Variants in STARD8 observed in about 807,000 individuals in gnomAD.
The protein encoded by STARD8 is StAR related lipid transfer domain containing 8.
Under a neutral mutation model 69.4 loss-of-function variants are expected in STARD8, and 25 were observed. That is an observed-to-expected ratio of 0.36 (90% CI 0.26 to 0.50). The LOEUF is 0.50. Ranked by LOEUF, STARD8 falls within the 20% of genes least tolerant of loss-of-function variation. STARD8 has a pLI of 0.96. For missense variants in STARD8, 921 were observed against 932.5 expected (o/e 0.99, Z 0.16); for synonymous variants, 389 against 374.6 (o/e 1.04, Z -0.45).
At chrX:68,668,327 C>T (rs1423642842) in intron 2 of STARD8, among the ~76,000 whole-genome samples, 1 of 96,172 alleles carries the variant, frequency 1.0e-5, no homozygotes, top group South Asian at 5.1e-4. Flanking sequence ...TTCCTTCCTT[C>T]CTTCCTTTTT....
rs1211005095 is a variant in STARD8 at position 68,724,394 on chromosome X, A to G, written c.3284A>G (p.Gln1095Arg). ...ATCCGGGACTCCTTCCCCACCCTGC[A>G]GGCAGCGGGCCCTGAGACAAAGCTG... ...AKIRDSFPTL[Q>R]AAGPETKL Residue 1095 changes from glutamine (Q) to arginine (R), a missense_variant, in exon 15 of 15, where the codon CAG (glutamine) becomes CGG (arginine). Physicochemically the swap from Gln to Arg is conservative, Grantham distance 43. Coordinates refer to ENST00000374599, the MANE Select transcript of STARD8 (RefSeq NM_001142503.3). 4 of 1,204,482 alleles carry G rather than the reference A, an allele frequency of 3.3e-6. No homozygotes were observed. Among genetic ancestry groups the G allele is most frequent in the Non-Finnish European group, 4.5e-6 (4 of 891,776 alleles).
At chrX:68,701,865 G>A (rs1181067607) in intron 2 of STARD8, among the ~76,000 whole-genome samples, 1 of 112,063 alleles carries the variant, frequency 8.9e-6, no homozygotes, top group Non-Finnish European at 1.9e-5. Flanking sequence ...GGGGCTGGCA[G>A]GAGGCTGGCT....
rs756880373 is a variant in STARD8 at position 68,722,054 on chromosome X, A to G, written c.2467A>G (p.Ser823Gly). ...KKDSPSPRIK[S>G]KRSLIGRPGP... is the part of the protein sequence containing the mutation. The stretch of plus-strand genomic sequence containing the variant: ...ACCTCCTGCTCCATCTAGGATCAAG[A>G]GCAAACGCAGCCTCATTGGCAGGCC... The change falls in exon 11 of 15, where the codon AGC becomes GGC. Residue 823 changes from serine (S) to glycine (G), a missense_variant. Transcript: ENST00000374599. 27 of 1,198,364 alleles carry G rather than the reference A, an allele frequency of 2.3e-5. No homozygotes were observed. The highest frequency in any genetic ancestry group is 3.0e-5 in the Non-Finnish European group (27 of 886,314).
chrX:68,670,280 T>C (rs990662801), intron 2 of STARD8, among the ~76,000 whole-genome samples: 4 of 111,659 alleles, frequency 3.6e-5, no homozygotes, highest in South Asian at 3.8e-4. Context: ...GTCTGCAAAA[T>C]GAGAATGTTG....
intron 2 of STARD8, among the ~76,000 whole-genome samples, chrX:68,673,393 C>T (rs1185366383): frequency 4.4e-5 from 5 of 112,369 alleles, no homozygotes; most frequent in African/African-American, 1.6e-4. Flanking sequence ...CCCCAAATAT[C>T]TCCCAGGATA....
At chrX:68,701,644 G>A (rs1341656188) in intron 2 of STARD8, among the ~76,000 whole-genome samples, 5 of 112,207 alleles carry the variant, frequency 4.5e-5, no homozygotes, top group Admixed American at 1.9e-4. Context: ...GGGGTGGGGA[G>A]GGAGTGCAGG....
intron 6 of STARD8, 136 bp from the exon 7 acceptor site, chrX:68,719,089 C>T (rs2080123512): frequency 2.5e-6 from 2 of 794,932 alleles, no homozygotes; most frequent in Non-Finnish European, 3.4e-6. Context: ...GCCTCAGCAG[C>T]AGCACTAGAA....
chrX:68,656,669 T>C (rs1356004101), intron 1 of STARD8: 6 of 112,080 alleles, frequency 5.4e-5, no homozygotes, highest in African/African-American at 2.0e-4. Flanking sequence ...CATGGAATAC[T>C]ATGCAGCCAT....
Position 68,720,753 on chromosome X carries a change from C to T in STARD8, c.2050-171C>T, listed in dbSNP as rs145286060. On this transcript the variant is annotated intron_variant, in intron 8 of 14. Transcript: ENST00000374599. ...CTTTTGTCCTGAAGCTGTAAAAATC[C>T]TTCTCTTTGGTTTTCCCATTTGTCT... Among the ~76,000 whole-genome samples the T allele has an allele frequency of 7.5e-3, 842 of 111,937 alleles. 6 individuals carry two copies. The highest frequency in any genetic ancestry group is 0.025 in the African/African-American group (781 of 30,806).
chrX:68,672,760 C>T (rs939143208), intron 2 of STARD8, among the ~76,000 whole-genome samples: 1 of 111,378 alleles, frequency 9.0e-6, no homozygotes, highest in Admixed American at 9.5e-5. Context: ...TTCAGAGGCC[C>T]CTTCTGACCT....
chrX:68,667,316 A>G (rs1026740379), intron 2 of STARD8, among the ~76,000 whole-genome samples: 2 of 111,767 alleles, frequency 1.8e-5, no homozygotes, highest in Non-Finnish European at 3.8e-5. Flanking sequence ...TGAGCCCAGG[A>G]AAGTAGCTTC....
At chrX:68,666,425 T>A (rs1349234538) in intron 2 of STARD8, among the ~76,000 whole-genome samples, 1 of 112,136 alleles carries the variant, frequency 8.9e-6, no homozygotes, top group Non-Finnish European at 1.9e-5. Context: ...AAGGCATCTA[T>A]TAACAAGTGG....
At chrX:68,716,580 A>C (rs2080093158) in intron 5 of STARD8, 149 bp downstream of exon 5, 1 of 517,303 alleles carries the variant, frequency 1.9e-6, no homozygotes, top group South Asian at 4.0e-5. Flanking sequence ...GTAGAGATGG[A>C]GGAGATCTAG....
intron 5 of STARD8, among the ~76,000 whole-genome samples, chrX:68,716,998 C>G (rs1226883119): frequency 9.0e-6 from 1 of 111,448 alleles, no homozygotes; most frequent in Non-Finnish European, 1.9e-5. Flanking sequence ...AATTAGTTGA[C>G]CATTACCATT....
At chrX:68,711,123 G>C (rs1476885721) in intron 2 of STARD8, among the ~76,000 whole-genome samples, 1 of 111,481 alleles carries the variant, frequency 9.0e-6, no homozygotes, top group Non-Finnish European at 1.9e-5. Context: ...GCAGGGCTCT[G>C]TCAGACACTT....
chrX:68,680,399 C>T (rs757893518), intron 2 of STARD8, among the ~76,000 whole-genome samples: 7 of 112,099 alleles, frequency 6.2e-5, no homozygotes, highest in African/African-American at 1.3e-4. Context: ...CCTGACCACT[C>T]GGTGCTCTCT....
chrX:68,668,809 G>A (rs2080602607), intron 2 of STARD8, among the ~76,000 whole-genome samples: 1 of 111,867 alleles, frequency 8.9e-6, no homozygotes, highest in Admixed American at 9.5e-5. Flanking sequence ...ATGCCATTAA[G>A]TACTTAATAT....
intron 2 of STARD8, among the ~76,000 whole-genome samples, chrX:68,701,143 CCTT>C (rs2079963272): frequency 8.9e-6 from 1 of 111,911 alleles, no homozygotes; most frequent in African/African-American, 3.3e-5. Context: ...CTTCCTCTGG[CCTT>C]CTTTAGTGGC....
chrX:68,647,891 G>A lies in STARD8; in HGVS notation c.9G>A (p.Leu3=). 1 of 1,200,374 alleles carries A rather than the reference G, an allele frequency of 8.3e-7. No individual in the cohort carries two copies. The change falls in exon 1 of 15, where the codon CTG becomes CTA. Residue 3 remains leucine (L), a synonymous_variant. Coordinates refer to ENST00000374599, the MANE Select transcript of STARD8 (RefSeq NM_001142503.3). Reference sequence around the variant, plus strand: ...GCTCCCCACGCGCCACCATGCCTCTGCTGGACGTTTTCTGGTCTTGCTTCA... The same window carrying A: ...GCTCCCCACGCGCCACCATGCCTCTACTGGACGTTTTCTGGTCTTGCTTCA... MP[L]LDVFWSCFRK...
Sources: allele counts gnomAD v4.1 joint callset (sites outside exome capture counted in the v4.1 genomes callset), GRCh38; gene constraint gnomAD v4.1.1; transcripts MANE v1.5; gene names NCBI Gene and HGNC (gene_info 2026-07-23, HGNC 2026-07-21).